PCDHA1: variants seen among roughly 807,000 people sequenced by gnomAD.
PCDHA1 encodes protocadherin alpha-1.
In PCDHA1, 42 loss-of-function variants were observed where a neutral mutation model predicts 61.3. The observed-to-expected ratio is 0.69, with a 90% CI of 0.54 to 0.89. The LOEUF (loss-of-function observed/expected upper bound fraction) is 0.89. Ranked by LOEUF, PCDHA1 falls within the 40% of genes least tolerant of loss-of-function variation. PCDHA1 has a pLI of 0.00. For synonymous variants in PCDHA1, 610 were observed against 553.8 expected, an observed-to-expected ratio of 1.10 and a Z score of -1.43; for missense variants, 1,256 against 1,235.3, an observed-to-expected ratio of 1.02 and a Z score of -0.25.
At chr5:140,916,327 A>G (rs1218792272) in intron 1 of PCDHA1, among the ~76,000 whole-genome samples, 5 of 152,226 alleles carry the variant, frequency 3.3e-5, no homozygotes, top group African/African-American at 1.2e-4. Context: ...AGTCCCCTTT[A>G]CTTTTTCCTC....
chr5:140,943,090 C>G (rs554425182), intron 1 of PCDHA1, among the ~76,000 whole-genome samples: 3 of 151,542 alleles, frequency 2.0e-5, no homozygotes, highest in African/African-American at 7.3e-5. Context: ...AATCCTGCCT[C>G]TACTAAAAAA....
chr5:140,926,812 G>T (rs908940607), intron 1 of PCDHA1: 28 of 1,458,972 alleles, frequency 1.9e-5, no homozygotes, highest in African/African-American at 2.8e-5. Flanking sequence ...CCCGCGGCTC[G>T]TGCTCTCCAG....
intron 1 of PCDHA1, chr5:140,821,712 T>C (rs1314797698): frequency 1.0e-5 from 15 of 1,473,256 alleles, no homozygotes; most frequent in Non-Finnish European, 1.4e-5. Flanking sequence ...TAATTGGGAA[T>C]TGAATTTACA....
intron 1 of PCDHA1, among the ~76,000 whole-genome samples, chr5:140,905,229 G>A (rs2071688415): frequency 6.6e-6 from 1 of 152,156 alleles, no homozygotes; most frequent in African/African-American, 2.4e-5. Flanking sequence ...TGAGAGATGA[G>A]GATCCAGTTT....
At chr5:140,867,109 A>G (rs2049756406) in intron 1 of PCDHA1, 3 of 152,146 alleles carry the variant, frequency 2.0e-5, no homozygotes, top group South Asian at 2.1e-4. Context: ...CTAAATTAAC[A>G]TATTGTTTTA....
chr5:140,850,964 C>A, intron 1 of PCDHA1: 1 of 1,468,876 alleles, frequency 6.8e-7, no homozygotes, highest in South Asian at 1.4e-5. Context: ...TCCCAGGGGC[C>A]GTTCAAATAG....
Position 140,993,462 on chromosome 5 carries a change from T to A in PCDHA1, c.2542+10899T>A, listed in dbSNP as rs540334246. Among the ~76,000 whole-genome samples, 1,220 of 141,042 alleles carry A rather than the reference T, an allele frequency of 8.6e-3. 14 individuals carry two copies. The highest frequency in any genetic ancestry group is 0.02 in the African/African-American group (760 of 37,958). 92.5% of individuals were successfully genotyped at this position (141,042 alleles called of 152,430 possible). A position where few individuals can be genotyped will look rare whatever the true frequency, so the allele number is the denominator to read the frequency against. On this transcript the variant is annotated intron_variant, in intron 3 of 3. Coordinates refer to ENST00000504120, the MANE Select transcript of PCDHA1 (RefSeq NM_018900.4). ...CATTCCTGTTCTCCTTCTTTCTTTC[T>A]CACACACACACACACACACACACAC...
chr5:140,947,401 G>A (rs1314695904), intron 1 of PCDHA1, among the ~76,000 whole-genome samples: 1 of 151,652 alleles, frequency 6.6e-6, no homozygotes, highest in Non-Finnish European at 1.5e-5. Flanking sequence ...AAAGTAGACT[G>A]TCTTGATATT....
chr5:140,845,092 C>T lies in PCDHA1; in HGVS notation c.2394+56408C>T, dbSNP rs145327720. Among the ~76,000 whole-genome samples, 352 of 149,676 alleles carry T rather than the reference C, an allele frequency of 2.4e-3. 12 individuals are homozygous for T. Among genetic ancestry groups the T allele is most frequent in the African/African-American group, 8.0e-3 (326 of 40,968 alleles). On this transcript the variant is annotated intron_variant, in intron 1 of 3. Transcript: ENST00000504120. Reference sequence around the variant, plus strand: ...CAGCATTGTTTTGTAGTTTATTTTACAGTTCTCTTAATGCCTGTCCATGTT... The same window carrying T: ...CAGCATTGTTTTGTAGTTTATTTTATAGTTCTCTTAATGCCTGTCCATGTT...
At chr5:140,931,269 C>T (rs1253190149) in intron 1 of PCDHA1, among the ~76,000 whole-genome samples, 1 of 152,006 alleles carries the variant, frequency 6.6e-6, no homozygotes, top group Non-Finnish European at 1.5e-5. Context: ...CTATTTATTT[C>T]TTTTATTTTC....
rs1340764759 is a variant in PCDHA1 at position 140,803,797 on chromosome 5, C to T, written c.2394+15113C>T. 5 of 806,578 alleles carry T rather than the reference C, an allele frequency of 6.2e-6. No homozygotes were observed. In the African/African-American group the frequency reaches 8.7e-5, roughly 14 times the overall value. 50.0% of individuals were successfully genotyped at this position (806,578 alleles called of 1,614,324 possible). ...TCAGCAGTAAGTTATGATATCCACA[C>T]TTGTAATTTTGTTTTGTTATTAGGT... On this transcript the variant is annotated intron_variant, in intron 1 of 3. Transcript: ENST00000504120.
chr5:140,922,176 CAA>C lies in PCDHA1; in HGVS notation c.2395-56765_2395-56764del, dbSNP rs3836750. ...CAAAAACAACAAAAAGTACAGCAGACAAAAAAAAAGTCTTATCTTTAATGAAA... is the reference window on the plus strand; with the variant it reads ...CAAAAACAACAAAAAGTACAGCAGACAAAAAAAGTCTTATCTTTAATGAAA... On this transcript the variant is annotated intron_variant, in intron 1 of 3. Coordinates refer to ENST00000504120, the MANE Select transcript of PCDHA1 (RefSeq NM_018900.4). 2.6e-3 allele frequency among the ~76,000 whole-genome samples: 394 copies of C among 150,816 alleles called. 1 individual carries two copies. The highest frequency in any genetic ancestry group is 9.1e-3 in the African/African-American group (376 of 41,132).
chr5:140,971,019 G>A (rs908442935), intron 1 of PCDHA1, among the ~76,000 whole-genome samples: 2 of 152,174 alleles, frequency 1.3e-5, no homozygotes, highest in African/African-American at 2.4e-5. Flanking sequence ...TCTTTAGATC[G>A]TAGCATTTGA....
chr5:140,900,015 A>C (rs2067686381), intron 1 of PCDHA1, among the ~76,000 whole-genome samples: 1 of 151,940 alleles, frequency 6.6e-6, no homozygotes, highest in African/African-American at 2.4e-5. Context: ...TCACTTTGTT[A>C]CCCAGTTTGG....
chr5:140,896,053 C>T (rs371706160), intron 1 of PCDHA1, among the ~76,000 whole-genome samples: 8 of 152,164 alleles, frequency 5.3e-5, no homozygotes, highest in Non-Finnish European at 1.2e-4. Context: ...TCAGGTGATC[C>T]GCCTGCCTCG....
At chr5:140,947,949 AT>A (rs1326528139) in intron 1 of PCDHA1, among the ~76,000 whole-genome samples, 1 of 151,494 alleles carries the variant, frequency 6.6e-6, no homozygotes, top group African/African-American at 2.4e-5. Context: ...AGTGTTCCAT[AT>A]TTTACAATTA....
At chr5:140,868,882 T>G in intron 1 of PCDHA1, 1 of 715,192 alleles carries the variant, frequency 1.4e-6, no homozygotes, top group Non-Finnish European at 2.2e-6. Context: ...GTACTCACAG[T>G]TTTAGGCGCA....
intron 1 of PCDHA1, chr5:140,795,199 C>A (rs782326871): frequency 5.0e-6 from 8 of 1,614,062 alleles, no homozygotes; most frequent in African/African-American, 1.3e-5. Flanking sequence ...GGAGGTAAAT[C>A]TGCAGAATGG....
chr5:140,823,495 G>T (rs1004067167), intron 1 of PCDHA1: 2 of 1,613,220 alleles, frequency 1.2e-6, no homozygotes, highest in Non-Finnish European at 1.7e-6. Context: ...TGGCACCGGC[G>T]GCGCAGTGAG....
Sources: gnomAD v4.1 joint callset for allele counts (sites outside exome capture counted in the v4.1 genomes callset) on GRCh38, gnomAD v4.1.1 for gene constraint, MANE v1.5 for transcripts, NCBI Gene and HGNC (gene_info 2026-07-23, HGNC 2026-07-21) for gene names.